Variants in TMEM132C observed in about 807,000 individuals in gnomAD.
TMEM132C encodes the protein transmembrane protein 132C.
Under a neutral mutation model 61.4 loss-of-function variants are expected in TMEM132C, and 29 were observed. That is an observed-to-expected ratio of 0.47 (90% confidence interval 0.35 to 0.64). The LOEUF (loss-of-function observed/expected upper bound fraction) is 0.64. TMEM132C is among the 30% of genes least tolerant of loss of function. TMEM132C has a pLI of 0.00. For missense variants in TMEM132C, 1,408 were observed against 1,476.9 expected, an observed-to-expected ratio of 0.95 and a Z score of 0.76; for synonymous variants, 656 against 633.1, an observed-to-expected ratio of 1.04 and a Z score of -0.54.
intron 2 of TMEM132C, among the ~76,000 whole-genome samples, chr12:128,490,058 C>T (rs914414627): frequency 1.3e-5 from 2 of 152,146 alleles, no homozygotes; most frequent in Admixed American, 1.3e-4. Context: ...GATATAATCC[C>T]AACTGAATTC....
chr12:128,551,279 A>C (rs1874167303), intron 3 of TMEM132C, among the ~76,000 whole-genome samples: 1 of 151,394 alleles, frequency 6.6e-6, no homozygotes, highest in Non-Finnish European at 1.5e-5. Context: ...TGTTAGGAAA[A>C]CTGTCAAGCA....
chr12:128,441,503 C>A (rs1169126239), intron 2 of TMEM132C, among the ~76,000 whole-genome samples: 1 of 152,206 alleles, frequency 6.6e-6, no homozygotes, highest in African/African-American at 2.4e-5. Context: ...AGATATACTT[C>A]CAGCAAAGGG....
intron 5 of TMEM132C, among the ~76,000 whole-genome samples, chr12:128,686,722 C>G (rs781420932): frequency 6.6e-6 from 1 of 152,088 alleles, no homozygotes; most frequent in Non-Finnish European, 1.5e-5. Flanking sequence ...GTGTTAGGTC[C>G]CAGGTATACA....
At chr12:128,524,197 A>C (rs4627148) in intron 2 of TMEM132C, among the ~76,000 whole-genome samples, 3 of 152,048 alleles carry the variant, frequency 2.0e-5, no homozygotes, top group Non-Finnish European at 4.4e-5. Flanking sequence ...TGTAGAGTCC[A>C]GGGCAACTGA....
chr12:128,449,061 C>T lies in TMEM132C; in HGVS notation c.974+33441C>T, dbSNP rs573788908. On this transcript the variant is annotated intron_variant, in intron 2 of 8. Transcript: ENST00000435159. ...CTGAGACAGGAGAACGGCGTGAACC[C>T]GGGAGGCAGAGCTTGCAGTGAGCCG... is the stretch of plus-strand genomic sequence containing the variant. Among the ~76,000 whole-genome samples the T allele has an allele frequency of 2.6e-3, 357 of 138,900 alleles. 3 individuals are homozygous for T. The highest frequency in any genetic ancestry group is 9.4e-3 in the African/African-American group (339 of 35,984). 91.1% of individuals were successfully genotyped at this position (138,900 alleles called of 152,430 possible).
At chr12:128,325,214 A>G (rs986174157) in intron 1 of TMEM132C, among the ~76,000 whole-genome samples, 31 of 152,176 alleles carry the variant, frequency 2.0e-4, no homozygotes, top group Non-Finnish European at 4.4e-5. Flanking sequence ...TTAATTTTGT[A>G]TAGGAAAACA....
chr12:128,341,553 C>T (rs1019798531), intron 1 of TMEM132C, among the ~76,000 whole-genome samples: 5 of 152,138 alleles, frequency 3.3e-5, no homozygotes, highest in African/African-American at 7.2e-5. Flanking sequence ...AAATATATTA[C>T]GCAAGCTCTC....
chr12:128,268,100 A>G (rs964898625), intron 1 of TMEM132C, among the ~76,000 whole-genome samples: 3 of 152,084 alleles, frequency 2.0e-5, no homozygotes, highest in African/African-American at 7.2e-5. Flanking sequence ...GGTTCTCTCA[A>G]ATGAGTCCTT....
At chr12:128,666,503 T>C (rs536832494) in intron 4 of TMEM132C, among the ~76,000 whole-genome samples, 1 of 152,302 alleles carries the variant, frequency 6.6e-6, no homozygotes, top group South Asian at 2.1e-4. Flanking sequence ...AGTCTAGGAT[T>C]CAACAGTCGA....
intron 2 of TMEM132C, among the ~76,000 whole-genome samples, chr12:128,464,778 A>AGGAAAGAG: frequency 9.8e-6 from 1 of 102,516 alleles, no homozygotes; most frequent in Admixed American, 1.1e-4. Flanking sequence ...GAAAGAAAGA[A>AGGAAAGAG]AGAAAGAGAG....
At position 128,619,235 on chromosome 12, in the gene TMEM132C, G is replaced by C. The variant is rs147728388; in HGVS notation, c.1305+2900G>C. ...TTTTAAAGAAAACAAACTTCAGAAA[G>C]GTGAAACAGGGGATTAACAGATGGA... is the stretch of plus-strand genomic sequence containing the variant. On this transcript the variant is annotated intron_variant, in intron 4 of 8. Transcript: ENST00000435159. Among the ~76,000 whole-genome samples the C allele has an allele frequency of 2.6e-3, 394 of 152,280 alleles. 2 individuals are homozygous for C. Among genetic ancestry groups the C allele is most frequent in the African/African-American group, 8.6e-3 (357 of 41,544 alleles).
intron 1 of TMEM132C, among the ~76,000 whole-genome samples, chr12:128,412,162 T>C (rs1335977601): frequency 6.6e-6 from 1 of 152,218 alleles, no homozygotes; most frequent in Admixed American, 6.5e-5. Context: ...ATTAATACAA[T>C]TAAGTTCATT....
intron 1 of TMEM132C, among the ~76,000 whole-genome samples, chr12:128,362,099 G>A (rs986546685): frequency 2.6e-5 from 4 of 152,086 alleles, no homozygotes; most frequent in Non-Finnish European, 4.4e-5. Flanking sequence ...GCTGTCCCCA[G>A]TCAGACTCCA....
intron 2 of TMEM132C, among the ~76,000 whole-genome samples, chr12:128,431,550 CTTTT>C (rs386378189): frequency 1.0e-5 from 1 of 98,906 alleles, no homozygotes; most frequent in African/African-American, 4.2e-5. Context: ...CCATCTAGGA[CTTTT>C]TTTTTTTTTT....
At chr12:128,438,439 A>T (rs567347025) in intron 2 of TMEM132C, among the ~76,000 whole-genome samples, 1 of 152,140 alleles carries the variant, frequency 6.6e-6, no homozygotes, top group South Asian at 2.1e-4. Context: ...CACCTTCCAC[A>T]TGCGTGGAAG....
At chr12:128,704,271 A>G (rs1210948238) in intron 8 of TMEM132C, among the ~76,000 whole-genome samples, 1 of 152,222 alleles carries the variant, frequency 6.6e-6, no homozygotes, top group Non-Finnish European at 1.5e-5. Flanking sequence ...CAGTCCCCAC[A>G]ATGGCAAATA....
chr12:128,333,134 GTGTA>G (rs1872702694), intron 1 of TMEM132C, among the ~76,000 whole-genome samples: 1 of 151,848 alleles, frequency 6.6e-6, no homozygotes, highest in African/African-American at 2.4e-5. Flanking sequence ...CTGTTTTTAT[GTGTA>G]TGTGTGTGCA....
chr12:128,354,326 C>A (rs759604901), intron 1 of TMEM132C, among the ~76,000 whole-genome samples: 1 of 151,650 alleles, frequency 6.6e-6, no homozygotes, highest in Admixed American at 6.6e-5. Context: ...CTCCCTCCCT[C>A]ACTTCCTTTC....
At chr12:128,493,182 G>A (rs1326772736) in intron 2 of TMEM132C, among the ~76,000 whole-genome samples, 2 of 152,094 alleles carry the variant, frequency 1.3e-5, no homozygotes, top group South Asian at 2.1e-4. Context: ...TTATTTCTGA[G>A]GGCTCTGTTC....
Sources: allele counts gnomAD v4.1 joint callset (sites outside exome capture counted in the v4.1 genomes callset), GRCh38; gene constraint gnomAD v4.1.1; transcripts MANE v1.5; gene names NCBI Gene and HGNC (gene_info 2026-07-23, HGNC 2026-07-21).